Variants in MED13L observed in about 807,000 individuals in gnomAD.
The protein encoded by MED13L is mediator complex subunit 13L, also known as mediator of RNA polymerase II transcription subunit 13-like.
Under a neutral mutation model 220.9 loss-of-function variants are expected in MED13L, and 7 were observed. The observed-to-expected ratio is 0.03, with a 90% CI of 0.02 to 0.06. The LOEUF (loss-of-function observed/expected upper bound fraction) is 0.06, where lower values mean the gene tolerates loss of function less well. Among genes scored for constraint, MED13L ranks in the 10% least tolerant of loss-of-function variants. MED13L has a pLI of 1.00. For missense variants in MED13L, 1,965 were observed against 2,760.5 expected (o/e 0.71, Z 6.46); for synonymous variants, 1,011 against 1,015.2 (o/e 1.00, Z 0.08).
chr12:116,131,802 AACCTT>A (rs1217124931), intron 2 of MED13L, among the ~76,000 whole-genome samples: 1 of 151,402 alleles, frequency 6.6e-6, no homozygotes, highest in Non-Finnish European at 1.5e-5. Flanking sequence ...AACATGGCAA[AACCTT>A]ATCTCTACCA....
intron 4 of MED13L, among the ~76,000 whole-genome samples, chr12:116,043,899 A>G (rs1276103542): frequency 1.3e-5 from 2 of 152,242 alleles, no homozygotes; most frequent in Non-Finnish European, 2.9e-5. Flanking sequence ...TCCTTTTCCT[A>G]GAACAACTCA....
intron 2 of MED13L, among the ~76,000 whole-genome samples, chr12:116,157,918 CAA>C (rs1878569470): frequency 6.6e-6 from 1 of 152,152 alleles, no homozygotes; most frequent in African/African-American, 2.4e-5. Flanking sequence ...ACAGTAGGAG[CAA>C]AGAGGCAATG....
At chr12:116,212,589 C>A (rs1882765356) in intron 2 of MED13L, among the ~76,000 whole-genome samples, 1 of 152,006 alleles carries the variant, frequency 6.6e-6, no homozygotes, top group Non-Finnish European at 1.5e-5. Context: ...ACATATGGAG[C>A]AAGTTAAATA....
intron 1 of MED13L, among the ~76,000 whole-genome samples, chr12:116,265,429 CATT>C (rs1872761992): frequency 6.6e-6 from 1 of 152,196 alleles, no homozygotes; most frequent in Non-Finnish European, 1.5e-5. Context: ...CTTTTAAACA[CATT>C]ATTAAATGTA....
chr12:116,188,754 A>T (rs1257178374), intron 2 of MED13L, among the ~76,000 whole-genome samples: 1 of 151,792 alleles, frequency 6.6e-6, no homozygotes, highest in Non-Finnish European at 1.5e-5. Flanking sequence ...CCCCTCCTAA[A>T]CCCCGACAAC....
intron 4 of MED13L, among the ~76,000 whole-genome samples, chr12:116,079,483 C>T (rs764255934): frequency 1.1e-4 from 17 of 152,070 alleles, no homozygotes; most frequent in Non-Finnish European, 2.4e-4. Flanking sequence ...GCCTTGGCCT[C>T]CCAAAGGGCT....
chr12:116,261,543 G>A (rs569205177), intron 1 of MED13L, among the ~76,000 whole-genome samples: 3 of 150,352 alleles, frequency 2.0e-5, no homozygotes, highest in South Asian at 2.1e-4. Flanking sequence ...AAGTGCTAAC[G>A]TTTGTTTTCA....
At chr12:116,172,676 C>A (rs908714712) in intron 2 of MED13L, among the ~76,000 whole-genome samples, 2 of 152,096 alleles carry the variant, frequency 1.3e-5, no homozygotes, top group Admixed American at 1.3e-4. Context: ...AGTGACCTTA[C>A]GCTTTCACTT....
intron 4 of MED13L, among the ~76,000 whole-genome samples, chr12:116,072,691 A>C (rs1870480910): frequency 6.6e-6 from 1 of 152,128 alleles, no homozygotes; most frequent in African/African-American, 2.4e-5. Flanking sequence ...TTGTTAAGCC[A>C]CCGTGCCAGG....
In MED13L at chr12:115,975,261, C is replaced by G. The variant is rs1876855625; in HGVS notation, c.5641G>C (p.Glu1881Gln). The G allele has an allele frequency of 6.2e-7, 1 of 1,613,948 alleles. No individual in the cohort carries two copies. The highest frequency in any genetic ancestry group is 1.7e-5 in the Admixed American group (1 of 59,986). Residue 1881 changes from glutamate to glutamine, a missense_variant, in exon 25 of 31, where the codon GAG (glutamate) becomes CAG (glutamine). Coordinates refer to ENST00000281928, the MANE Select transcript of MED13L (RefSeq NM_015335.5). ...ATTTGGACAATCCCTATGCACCACT[C>G]CCATAACTTCTGTAGTCCAATTTTA... ...ARKIGLQKLWEWCIGIVQMTS... is the reference protein window; with the variant it reads ...ARKIGLQKLWQWCIGIVQMTS...
Position 115,998,383 on chromosome 12 carries a change from A to C in MED13L, c.2570-1153T>G, listed in dbSNP as rs184706673. Reference sequence around the variant, plus strand: ...TTAAACAGACCAATAATAACCACTGAATCACTAAGATCTGACTCCTAGCTC... The same window carrying C: ...TTAAACAGACCAATAATAACCACTGCATCACTAAGATCTGACTCCTAGCTC... On this transcript the variant is annotated intron_variant, in intron 14 of 30. Transcript: ENST00000281928. 4.3e-4 allele frequency among the ~76,000 whole-genome samples: 66 copies of C among 152,332 alleles called. No homozygotes were observed. In the East Asian group the frequency reaches 0.012, roughly 27 times the overall value.
intron 2 of MED13L, among the ~76,000 whole-genome samples, chr12:116,204,452 G>A (rs1307608106): frequency 4.6e-5 from 7 of 152,232 alleles, no homozygotes; most frequent in Non-Finnish European, 8.8e-5. Flanking sequence ...TACCCATGCT[G>A]TAGGCAGTTC....
chr12:116,212,205 G>A (rs2138355927), intron 2 of MED13L, among the ~76,000 whole-genome samples: 1 of 152,184 alleles, frequency 6.6e-6, no homozygotes, highest in South Asian at 2.1e-4. Flanking sequence ...CCTGCTATAT[G>A]TCATTTCACT....
chr12:116,178,531 T>C (rs933095548), intron 2 of MED13L, among the ~76,000 whole-genome samples: 1 of 152,232 alleles, frequency 6.6e-6, no homozygotes, highest in Non-Finnish European at 1.5e-5. Context: ...GCAATTTCCC[T>C]ATTCATGTTA....
chr12:116,009,924 C>A (rs187646998), intron 9 of MED13L, among the ~76,000 whole-genome samples: 2 of 152,304 alleles, frequency 1.3e-5, no homozygotes, highest in East Asian at 1.9e-4. Flanking sequence ...TACTGCATGT[C>A]AGCCAGTACC....
At chr12:116,073,003 T>C (rs1461789086) in intron 4 of MED13L, among the ~76,000 whole-genome samples, 2 of 152,184 alleles carry the variant, frequency 1.3e-5, no homozygotes, top group African/African-American at 2.4e-5. Context: ...CTTAATACTA[T>C]GGTAGATTAT....
intron 2 of MED13L, among the ~76,000 whole-genome samples, chr12:116,136,540 C>T (rs2138027618): frequency 6.6e-6 from 1 of 152,222 alleles, no homozygotes; most frequent in Non-Finnish European, 1.5e-5. Flanking sequence ...TACAGCATTT[C>T]AAACAAGAGG....
rs144495023 is a variant in MED13L, at chr12:116,216,097, C to A, written c.310+21371G>T. Among the ~76,000 whole-genome samples, 55 of 152,324 alleles carry A rather than the reference C, an allele frequency of 3.6e-4. 1 individual carries two copies. In the East Asian group the frequency reaches 9.6e-3, roughly 27 times the overall value. On this transcript the variant is annotated intron_variant, in intron 2 of 30. Transcript: ENST00000281928. ...AGCTATGATCTATACTTGTCCACTG[C>A]GTCTCTGCTCTTGTGACACTTTTAC...
chr12:116,037,549 G>C (rs562728075), intron 4 of MED13L, among the ~76,000 whole-genome samples: 1 of 152,282 alleles, frequency 6.6e-6, no homozygotes, highest in African/African-American at 2.4e-5. Context: ...ATCTGTATAA[G>C]AGCAAAGTTA....
Sources: allele counts gnomAD v4.1 joint callset (sites outside exome capture counted in the v4.1 genomes callset), GRCh38; gene constraint gnomAD v4.1.1; transcripts MANE v1.5; gene names NCBI Gene and HGNC (gene_info 2026-07-23, HGNC 2026-07-21).